Variants in PCDHA4 observed in about 807,000 individuals in gnomAD.
PCDHA4 encodes protocadherin alpha 4.
Under a neutral mutation model 61.4 loss-of-function variants are expected in PCDHA4, and 49 were observed. That is an observed-to-expected ratio of 0.80 (90% confidence interval 0.63 to 1.01). The LOEUF (loss-of-function observed/expected upper bound fraction) is 1.01, where lower values mean the gene tolerates loss of function less well. Among genes scored for constraint, PCDHA4 ranks in the 50% least tolerant of loss-of-function variants. The probability of loss-of-function intolerance (pLI) is 0.00; values close to 1 mark genes in which losing one functional copy is unlikely to be tolerated. For synonymous variants in PCDHA4, 590 were observed against 550.3 expected (o/e 1.07, Z -1.01); for missense variants, 1,254 against 1,235.8 (o/e 1.01, Z -0.22).
rs782057126 is a variant in PCDHA4, at chr5:140,808,992, G to C, written c.1805G>C (p.Gly602Ala). 1.2e-6 allele frequency: 2 copies of C among 1,613,698 alleles called. No individual in the cohort carries two copies. Among genetic ancestry groups the C allele is most frequent in the Admixed American group, 1.7e-5 (1 of 59,998 alleles). ...GTGCGCGCGGTGGATGCTGACTCGGGCTACAACGCGTGGCTTTCGTACGAG... is the reference window on the plus strand; with the variant it reads ...GTGCGCGCGGTGGATGCTGACTCGGCCTACAACGCGTGGCTTTCGTACGAG... ...AKVRAVDADS[G>A]YNAWLSYELQ... The change falls in exon 1 of 4, where the codon GGC becomes GCC. Residue 602 changes from glycine to alanine, a missense_variant. Transcript: ENST00000530339.
chr5:140,930,892 TTTAAC>T, intron 1 of PCDHA4, among the ~76,000 whole-genome samples: 1 of 152,332 alleles, frequency 6.6e-6, no homozygotes, highest in African/African-American at 2.4e-5. Context: ...AGGGAAAAAC[TTTAAC>T]TTACTTTTCT....
intron 1 of PCDHA4, chr5:140,966,387 C>G: frequency 2.5e-6 from 1 of 405,008 alleles, no homozygotes. Context: ...GGTTCGCTGT[C>G]CGCCACTTCG....
chr5:140,851,638 T>A (rs2042116024), intron 1 of PCDHA4: 2 of 915,858 alleles, frequency 2.2e-6, no homozygotes, highest in Non-Finnish European at 2.7e-6. Context: ...AAGTGTTTCC[T>A]TTCTTCAAGA....
At chr5:140,829,637 A>C in intron 1 of PCDHA4, 5 of 1,612,300 alleles carry the variant, frequency 3.1e-6, no homozygotes, top group Non-Finnish European at 4.2e-6. Context: ...GGAGAGCGGC[A>C]AGGTGTACGC....
intron 1 of PCDHA4, chr5:140,870,599 G>A: frequency 6.2e-7 from 1 of 1,613,396 alleles, no homozygotes; most frequent in South Asian, 1.1e-5. Flanking sequence ...CGGCGGTTGG[G>A]CGACCGCGCG....
chr5:140,947,277 T>C (rs1272482991), intron 1 of PCDHA4, among the ~76,000 whole-genome samples: 3 of 151,662 alleles, frequency 2.0e-5, no homozygotes, highest in African/African-American at 7.2e-5. Context: ...AAATACTTTT[T>C]CTTTTTATTG....
At chr5:140,861,430 A>C in intron 1 of PCDHA4, 1 of 488,226 alleles carries the variant, frequency 2.0e-6, no homozygotes, top group Admixed American at 2.1e-5. Context: ...TTTCAGTTGG[A>C]TTCCAAAAGC....
Position 140,877,583 on chromosome 5 carries a change from T to C in PCDHA4, c.2385+68011T>C. On this transcript the variant is annotated intron_variant, in intron 1 of 3. Transcript: ENST00000530339. ...ATTAACGTGTACCTCATCATCGCCA[T>C]CTGTGCGGTGTCCAGCCTGCTGGTG... 6.2e-7 allele frequency: 1 copy of C among 1,613,816 alleles called. No homozygotes were observed. Among genetic ancestry groups the C allele is most frequent in the Admixed American group, 1.7e-5 (1 of 60,032 alleles).
At position 140,950,241 on chromosome 5, in the gene PCDHA4, G is replaced by A. The variant is rs191139851; in HGVS notation, c.2386-28708G>A. 3.8e-4 allele frequency among the ~76,000 whole-genome samples: 58 copies of A among 152,014 alleles called. 1 individual carries two copies. The highest frequency in any genetic ancestry group is 6.8e-3 in the Middle Eastern group (2 of 294). On this transcript the variant is annotated intron_variant, in intron 1 of 3. Coordinates refer to ENST00000530339, the MANE Select transcript of PCDHA4 (RefSeq NM_018907.4). The stretch of plus-strand genomic sequence containing the variant: ...TTACCATTTCTAGTGCCATTAATTT[G>A]TTCCTAAAGAGCTGAGTTTATCCAT...
At chr5:140,991,563 C>T (rs577838155) in intron 3 of PCDHA4, among the ~76,000 whole-genome samples, 4 of 152,288 alleles carry the variant, frequency 2.6e-5, no homozygotes, top group South Asian at 4.1e-4. Context: ...CCTTTAGTTT[C>T]CAATAACAGG....
rs1554231844 is a variant in PCDHA4, at chr5:140,969,454, A to G, written c.2386-9495A>G. On this transcript the variant is annotated intron_variant, in intron 1 of 3. Coordinates refer to ENST00000530339, the MANE Select transcript of PCDHA4 (RefSeq NM_018907.4). ...AAGAGTTATCTGGTAAACTGAGTAT[A>G]TATAGTATCCACAATTTGATCATAA... 7.9e-6 allele frequency: 12 copies of G among 1,511,706 alleles called. No individual in the cohort carries two copies. The South Asian group carries it at 9.0e-5, about 11-fold the overall frequency. The allele number at this position is 1,511,706 out of a possible 1,614,324, so 93.6% of individuals were successfully genotyped here.
At chr5:140,882,621 A>T (rs374336585) in intron 1 of PCDHA4, 1 of 1,614,094 alleles carries the variant, frequency 6.2e-7, no homozygotes, top group African/African-American at 1.3e-5. Context: ...CAGGTTTTCC[A>T]TGTGGAGGTG....
At chr5:140,950,168 T>C (rs2094454639) in intron 1 of PCDHA4, among the ~76,000 whole-genome samples, 1 of 151,996 alleles carries the variant, frequency 6.6e-6, no homozygotes, top group Non-Finnish European at 1.5e-5. Context: ...TTATGTACTT[T>C]AGAGAATTAA....
chr5:140,822,889 A>G (rs1554128942), intron 1 of PCDHA4: 1 of 1,614,078 alleles, frequency 6.2e-7, no homozygotes, highest in East Asian at 2.2e-5. Flanking sequence ...TGCTCTGATC[A>G]GCGTGTCTGA....
chr5:140,860,428 T>C (rs1198179293), intron 1 of PCDHA4: 11 of 152,026 alleles, frequency 7.2e-5, no homozygotes, highest in Admixed American at 6.5e-4. Flanking sequence ...ATCCTGCAAA[T>C]ATGATCTTTT....
intron 1 of PCDHA4, chr5:140,969,343 G>C: frequency 1.2e-6 from 2 of 1,613,728 alleles, no homozygotes; most frequent in Non-Finnish European, 1.7e-6. Flanking sequence ...TGAGACAGTG[G>C]TCAGGGGGTC....
intron 1 of PCDHA4, among the ~76,000 whole-genome samples, chr5:140,911,469 A>T (rs1365800005): frequency 3.3e-5 from 5 of 151,880 alleles, no homozygotes; most frequent in African/African-American, 9.7e-5. Context: ...AGGAGATAAG[A>T]CTCTCACTCA....
intron 1 of PCDHA4, chr5:140,823,539 C>A (rs2150126772): frequency 2.5e-6 from 4 of 1,613,710 alleles, no homozygotes; most frequent in African/African-American, 2.7e-5. Flanking sequence ...GTGCGGGCCA[C>A]GTGGTGGCGA....
At chr5:140,815,038 A>AT (rs1226281271) in intron 1 of PCDHA4, 3 of 152,070 alleles carry the variant, frequency 2.0e-5, no homozygotes, top group Non-Finnish European at 4.4e-5. Context: ...TTTGCATGAA[A>AT]TTTTTTTAAT....
Sources: gnomAD v4.1 joint callset for allele counts (sites outside exome capture counted in the v4.1 genomes callset) on GRCh38, gnomAD v4.1.1 for gene constraint, MANE v1.5 for transcripts, NCBI Gene and HGNC (gene_info 2026-07-23, HGNC 2026-07-21) for gene names.